WNT2B: variants seen among roughly 807,000 people sequenced by gnomAD.
WNT2B encodes protein Wnt-2b.
Under a neutral mutation model 40.5 loss-of-function variants are expected in WNT2B, and 19 were observed. The ratio of observed to expected loss-of-function variants is 0.47; its 90% confidence interval spans 0.33 to 0.69. The LOEUF (loss-of-function observed/expected upper bound fraction) is 0.69, where lower values mean the gene tolerates loss of function less well. Ranked by LOEUF, WNT2B falls within the 30% of genes least tolerant of loss-of-function variation. The pLI is 0.02. For missense variants in WNT2B, 467 were observed against 556.4 expected (o/e 0.84, Z 1.62); for synonymous variants, 220 against 211.9 (o/e 1.04, Z -0.33).
chr1:112,516,796 A>G (rs1432388803), intron 3 of WNT2B, among the ~76,000 whole-genome samples: 3 of 152,240 alleles, frequency 2.0e-5, no homozygotes, highest in Admixed American at 6.5e-5. Flanking sequence ...AGTAGAAGGC[A>G]TGGTACCTGG....
intron 1 of WNT2B, among the ~76,000 whole-genome samples, chr1:112,501,916 T>A (rs1473546622): frequency 6.6e-6 from 1 of 152,202 alleles, no homozygotes; most frequent in East Asian, 1.9e-4. Flanking sequence ...CTCCTAAGGT[T>A]TTCTTCGGGC....
At chr1:112,508,831 G>T (rs924990823), upstream of WNT2B, 1 of 994,640 alleles carries the variant, frequency 1.0e-6, no homozygotes, top group African/African-American at 1.7e-5. The surrounding 1 kb of genome is among the most constrained non-coding windows in gnomAD (Gnocchi z 4.2). Flanking sequence ...GGGCGGAGGC[G>T]GCTGCTACAC....
chr1:112,524,273 C>A lies in WNT2B; in HGVS notation c.*3764C>A, dbSNP rs1653079303. On this transcript the variant is annotated 3_prime_UTR_variant, in exon 5 of 5. Transcript: ENST00000369684. ...TAGGATTTTTTTTTCCTCAGTCTTT[C>A]TGAGGTTTTTATTTAAATGCACTCA... The A allele has an allele frequency of 6.6e-6, 1 of 152,492 alleles. No individual in the cohort carries two copies. The highest frequency in any genetic ancestry group is 2.4e-5 in the African/African-American group (1 of 41,392). 9.4% of individuals were successfully genotyped at this position (152,492 alleles called of 1,614,324 possible).
chr1:112,508,469 G>A (rs1387096668), upstream of WNT2B, among the ~76,000 whole-genome samples: 2 of 151,966 alleles, frequency 1.3e-5, no homozygotes, highest in Non-Finnish European at 2.9e-5. This position sits in a 1 kb window ranked among gnomAD's most constrained non-coding sequence, Gnocchi z 4.2. Flanking sequence ...GACTGCCCAC[G>A]GCGCTCCTGT....
At position 112,476,962 on chromosome 1, in the gene WNT2B, G is replaced by T. The variant is rs1042783925; in HGVS notation, c.-95+9371G>T. Among the ~76,000 whole-genome samples, 3 of 152,156 alleles carry T rather than the reference G, an allele frequency of 2.0e-5. 1 individual carries two copies. The South Asian group carries it at 6.2e-4, about 32-fold the overall frequency. On this transcript the variant is annotated intron_variant, in intron 1 of 4. Coordinates refer to the WNT2B transcript ENST00000256640. ...CTGTACCCCAGATCATAGAGCCATG[G>T]CTGTTCTGTGTGCAACCAAGCATCA...
intron 1 of WNT2B, among the ~76,000 whole-genome samples, chr1:112,470,311 G>T (rs138120130): frequency 2.0e-5 from 3 of 152,246 alleles, no homozygotes; most frequent in Non-Finnish European, 4.4e-5. Context: ...ACTCTCAGCG[G>T]GGTGCGATGG....
upstream of WNT2B, chr1:112,508,879 G>A (rs1652226468): frequency 2.0e-6 from 2 of 1,024,226 alleles, no homozygotes; most frequent in Non-Finnish European, 2.3e-6. The surrounding 1 kb of genome is among the most constrained non-coding windows in gnomAD (Gnocchi z 4.2). Context: ...TGGCGCGGGC[G>A]GAGCCGCCCT....
In WNT2B at chr1:112,526,335, T is replaced by C; in HGVS notation, c.*5826T>C. ...AACTCTGGCTCCTAATTCTACTCCT[T>C]TTTTCCCCTTCAGATTAACATTAAA... On this transcript the variant is annotated 3_prime_UTR_variant, in exon 5 of 5. Coordinates refer to ENST00000369684, the MANE Select transcript of WNT2B (RefSeq NM_024494.3). 1 of 460,324 alleles carries C rather than the reference T, an allele frequency of 2.2e-6. No homozygotes were observed. The highest frequency in any genetic ancestry group is 3.8e-6 in the Non-Finnish European group (1 of 263,558). 28.5% of individuals were successfully genotyped at this position (460,324 alleles called of 1,614,324 possible). A position where few individuals can be genotyped will look rare whatever the true frequency, so the allele number is the denominator to read the frequency against.
chr1:112,473,785 A>T (rs1044568643), intron 1 of WNT2B, among the ~76,000 whole-genome samples: 1 of 152,024 alleles, frequency 6.6e-6, no homozygotes, highest in African/African-American at 2.4e-5. Context: ...GGCTGGGCAT[A>T]GTGGCTCATG....
At chr1:112,480,789 C>A (rs1397689914) in intron 1 of WNT2B, among the ~76,000 whole-genome samples, 1 of 152,160 alleles carries the variant, frequency 6.6e-6, no homozygotes, top group Non-Finnish European at 1.5e-5. Context: ...GAAAAGAAAA[C>A]CTCAGGCCAA....
At chr1:112,511,044 G>A (rs543521699) in intron 1 of WNT2B, among the ~76,000 whole-genome samples, 2 of 152,202 alleles carry the variant, frequency 1.3e-5, no homozygotes, top group African/African-American at 4.8e-5. Flanking sequence ...GGGACCAATT[G>A]GTGTTTGGGT....
At chr1:112,484,143 A>G (rs1399017491) in intron 1 of WNT2B, among the ~76,000 whole-genome samples, 1 of 49,612 alleles carries the variant, frequency 2.0e-5, no homozygotes, top group East Asian at 6.1e-4. Context: ...ACAATTTTAT[A>G]TAATAATTTA....
At chr1:112,510,301 C>T (rs11102485) in intron 1 of WNT2B, among the ~76,000 whole-genome samples, 2 of 152,104 alleles carry the variant, frequency 1.3e-5, no homozygotes, top group Non-Finnish European at 2.9e-5. Context: ...ATCACCTTCC[C>T]GTAGGAGAAG....
chr1:112,512,396 G>A (rs1437284623), intron 1 of WNT2B, among the ~76,000 whole-genome samples: 3 of 152,244 alleles, frequency 2.0e-5, no homozygotes, highest in African/African-American at 7.2e-5. Context: ...TGCAGATTCT[G>A]TTACGGTAGG....
At chr1:112,493,494 C>T (rs763643042) in intron 1 of WNT2B, among the ~76,000 whole-genome samples, 9 of 151,984 alleles carry the variant, frequency 5.9e-5, no homozygotes, top group South Asian at 2.1e-4. Context: ...TGGTGGTGCA[C>T]GCTTGTGGTC....
chr1:112,504,094 G>T (rs1288831717), upstream of WNT2B, among the ~76,000 whole-genome samples: 3 of 83,796 alleles, frequency 3.6e-5, no homozygotes, highest in African/African-American at 8.4e-5. Flanking sequence ...CCTCCCTTGG[G>T]GAGAGGCTGG....
In WNT2B at chr1:112,528,873, A is replaced by G. The variant is rs889720626; in HGVS notation, c.*8364A>G. 3 of 152,212 alleles carry G rather than the reference A, an allele frequency of 2.0e-5. No homozygotes were observed. Among genetic ancestry groups the G allele is most frequent in the African/African-American group, 7.2e-5 (3 of 41,448 alleles). 9.4% of individuals were successfully genotyped at this position (152,212 alleles called of 1,614,324 possible). On this transcript the variant is annotated 3_prime_UTR_variant, in exon 5 of 5. Transcript: ENST00000369684. Reference sequence around the variant, plus strand: ...TAGAGACTGCAAAACCAGCTCACTAATAAATGAGGAACTTTATTCTAATTT... The same window carrying G: ...TAGAGACTGCAAAACCAGCTCACTAGTAAATGAGGAACTTTATTCTAATTT...
Position 112,526,204 on chromosome 1 carries a change from A to G in WNT2B, c.*5695A>G, listed in dbSNP as rs1270980002. 1.3e-6 allele frequency: 2 copies of G among 1,556,144 alleles called. No individual in the cohort carries two copies. The highest frequency in any genetic ancestry group is 8.7e-7 in the Non-Finnish European group (1 of 1,147,826). ...ATCTGAGCACAGTTTACAAAGGAAC[A>G]GCCTAGGCCCTCCTGAACCTTATCA... On this transcript the variant is annotated 3_prime_UTR_variant, in exon 5 of 5. Coordinates refer to ENST00000369684, the MANE Select transcript of WNT2B (RefSeq NM_024494.3).
rs1165641051 is a variant in WNT2B at position 112,529,292 on chromosome 1, AT to A, written c.*8786del. 5 of 152,162 alleles carry A rather than the reference AT, an allele frequency of 3.3e-5. No individual in the cohort carries two copies. The highest frequency in any genetic ancestry group is 1.2e-4 in the African/African-American group (5 of 41,432). 9.4% of individuals were successfully genotyped at this position (152,162 alleles called of 1,614,324 possible). Reference sequence around the variant, plus strand: ...AGGCAGCCACAAAACCAGTGATAGCATTTGTTAGTATCATCTTAGTTCTCTT... The same window carrying A: ...AGGCAGCCACAAAACCAGTGATAGCATTGTTAGTATCATCTTAGTTCTCTT... On this transcript the variant is annotated 3_prime_UTR_variant, in exon 5 of 5. Coordinates refer to ENST00000369684, the MANE Select transcript of WNT2B (RefSeq NM_024494.3).
Sources: allele counts gnomAD v4.1 joint callset (sites outside exome capture counted in the v4.1 genomes callset), GRCh38; gene constraint gnomAD v4.1.1; non-coding constraint Gnocchi (gnomAD v3.1); transcripts MANE v1.5; gene names NCBI Gene and HGNC (gene_info 2026-07-23, HGNC 2026-07-21).